The following PGS1 variants were observed in gnomAD, a reference collection of about 807,000 sequenced individuals.
PGS1 encodes the protein phosphatidylglycerophosphate synthase 1.
A neutral mutation model predicts 58.3 loss-of-function variants in PGS1; 44 were observed. The ratio of observed to expected loss-of-function variants is 0.75; its 90% confidence interval spans 0.59 to 0.97. The LOEUF is 0.97. Ranked by LOEUF, PGS1 falls within the 50% of genes least tolerant of loss-of-function variation. The pLI is 0.00. For missense variants in PGS1, 684 were observed against 731.1 expected, an observed-to-expected ratio of 0.94 and a Z score of 0.74; for synonymous variants, 330 against 311.0, an observed-to-expected ratio of 1.06 and a Z score of -0.64.
At chr17:78,394,370 C>G (rs1302707025) in intron 2 of PGS1, among the ~76,000 whole-genome samples, 1 of 151,842 alleles carries the variant, frequency 6.6e-6, no homozygotes, top group Non-Finnish European at 1.5e-5. Flanking sequence ...CCACGCTTAG[C>G]TTGACTGGCT....
At chr17:78,407,559 C>T (rs537389317) in intron 7 of PGS1, among the ~76,000 whole-genome samples, 5 of 152,308 alleles carry the variant, frequency 3.3e-5, no homozygotes, top group African/African-American at 1.2e-4. Context: ...TGTTTGGGCC[C>T]CAGAAAATTC....
Position 78,424,223 on chromosome 17 carries a change from G to A in PGS1, c.*173G>A. The A allele has an allele frequency of 3.3e-6, 5 of 1,536,114 alleles. No individual in the cohort carries two copies. The East Asian group carries it at 1.1e-4, about 35-fold the overall frequency. On this transcript the variant is annotated 3_prime_UTR_variant, in exon 10 of 10. Transcript: ENST00000262764. ...TGAGGGAGGGGCTGGCAGGAAGGGT[G>A]GGGTCCTCACACTCCCCGCCCTCTG...
chr17:78,390,874 A>C (rs921337482), intron 1 of PGS1, among the ~76,000 whole-genome samples: 1 of 152,170 alleles, frequency 6.6e-6, no homozygotes, highest in African/African-American at 2.4e-5. Flanking sequence ...AACACTGGCC[A>C]GAAATGGTGT....
At chr17:78,407,203 G>C (rs951487060) in intron 7 of PGS1, among the ~76,000 whole-genome samples, 3 of 152,166 alleles carry the variant, frequency 2.0e-5, no homozygotes, top group Non-Finnish European at 4.4e-5. Context: ...GCAGAGGTGG[G>C]TGAGGGATGG....
chr17:78,417,371 T>A (rs552512670), intron 8 of PGS1, among the ~76,000 whole-genome samples: 3 of 152,186 alleles, frequency 2.0e-5, no homozygotes, highest in African/African-American at 7.2e-5. Flanking sequence ...TCAGCAGCAA[T>A]TAGGAGGCCC....
At chr17:78,419,017 GTTTT>G (rs1262752948) in intron 8 of PGS1, among the ~76,000 whole-genome samples, 1 of 148,678 alleles carries the variant, frequency 6.7e-6, no homozygotes, top group African/African-American at 2.5e-5. Flanking sequence ...AGCCTTTTGG[GTTTT>G]TTTTTTGAGA....
intron 7 of PGS1, among the ~76,000 whole-genome samples, chr17:78,413,080 G>A (rs1182585350): frequency 6.6e-6 from 1 of 152,234 alleles, no homozygotes; most frequent in African/African-American, 2.4e-5. Flanking sequence ...GTGGTCCTGT[G>A]AACGGCCTGC....
intron 1 of PGS1, among the ~76,000 whole-genome samples, chr17:78,385,381 C>T (rs1258369863): frequency 2.0e-5 from 3 of 150,516 alleles, no homozygotes; most frequent in Non-Finnish European, 3.0e-5. Context: ...CTCTGCCTGC[C>T]GAGTTCATGC....
chr17:78,388,357 C>T (rs62075744), intron 1 of PGS1, among the ~76,000 whole-genome samples: 27,884 of 152,136 alleles, frequency 0.18, 3,446 homozygotes, highest in African/African-American at 0.35. Flanking sequence ...CTCTGGACTA[C>T]TGAGGCCCTC....
Position 78,419,678 on chromosome 17 carries a change from G to A in PGS1, c.*10+3G>A. ...GAACTTCTTCTGAGGACAGACAGGT[G>A]CTGTCTCTAGCATCACCTCTCAGCA... is the stretch of plus-strand genomic sequence containing the variant. On this transcript the variant is annotated splice_donor_region_variant and intron_variant, in intron 9 of 9. Coordinates refer to ENST00000262764, the MANE Select transcript of PGS1 (RefSeq NM_024419.5). 2.5e-6 allele frequency: 4 copies of A among 1,613,352 alleles called. No individual in the cohort carries two copies. The highest frequency in any genetic ancestry group is 3.4e-6 in the Non-Finnish European group (4 of 1,179,686).
intron 1 of PGS1, among the ~76,000 whole-genome samples, chr17:78,389,672 G>A (rs1332270874): frequency 1.3e-5 from 2 of 151,774 alleles, no homozygotes; most frequent in East Asian, 1.9e-4. Flanking sequence ...GGCATGCAGT[G>A]GTGCAATCTT....
intron 7 of PGS1, among the ~76,000 whole-genome samples, chr17:78,413,753 T>C (rs573409597): frequency 3.9e-5 from 6 of 152,250 alleles, no homozygotes; most frequent in Admixed American, 1.3e-4. Flanking sequence ...TAACAGTCTT[T>C]TTAGAAGTAG....
chr17:78,406,782 G>T (rs547784640), intron 7 of PGS1, among the ~76,000 whole-genome samples: 1 of 152,352 alleles, frequency 6.6e-6, no homozygotes, highest in East Asian at 1.9e-4. Context: ...CCACACTGTC[G>T]TGTGCTGGAG....
chr17:78,417,245 G>A (rs889493147), intron 8 of PGS1, among the ~76,000 whole-genome samples: 2 of 152,158 alleles, frequency 1.3e-5, no homozygotes, highest in Non-Finnish European at 2.9e-5. Flanking sequence ...AATCTTGGCC[G>A]GGTATTCATT....
At chr17:78,414,785 A>C in intron 7 of PGS1, 94 bp from the exon 8 acceptor site, 4 of 1,422,234 alleles carry the variant, frequency 2.8e-6, no homozygotes, top group Non-Finnish European at 2.9e-6. Context: ...CACCCAGGGC[A>C]GGCCGCCTTT....
rs749772606 is a variant in PGS1 at position 78,398,366 on chromosome 17, A to C, written c.511+15A>C. ...GGGCTCACGAGGTAGGTGGCATGCA[A>C]GCCTGGCCCCTCCTGCTTCCTGTGT... On this transcript the variant is annotated intron_variant, in intron 4 of 9. Coordinates refer to ENST00000262764, the MANE Select transcript of PGS1 (RefSeq NM_024419.5). 6.4e-7 allele frequency: 1 copy of C among 1,565,478 alleles called. No individual in the cohort carries two copies. Among genetic ancestry groups the C allele is most frequent in the Admixed American group, 1.7e-5 (1 of 59,934 alleles).
Position 78,400,911 on chromosome 17 carries a change from C to T in PGS1, c.880+56C>T, listed in dbSNP as rs1020142844. 2.2e-5 allele frequency: 31 copies of T among 1,432,968 alleles called. No individual in the cohort carries two copies. In the African/African-American group the frequency reaches 3.0e-4, roughly 14 times the overall value. 88.8% of individuals were successfully genotyped at this position (1,432,968 alleles called of 1,614,324 possible). On this transcript the variant is annotated intron_variant, in intron 6 of 9. Transcript: ENST00000262764. The surrounding 1 kb of genome is among the most constrained non-coding windows in gnomAD (Gnocchi z 4.4). The stretch of plus-strand genomic sequence containing the variant: ...CTGTGGGTGGGGTGGAGTGAGGGCC[C>T]GGGAGAGCACAACTCTAGGTGGTTC...
At chr17:78,422,005 G>A (rs906863332) in intron 9 of PGS1, 3 of 152,202 alleles carry the variant, frequency 2.0e-5, no homozygotes, top group Non-Finnish European at 2.9e-5. Context: ...GCTTAAGTGC[G>A]AATCATTTCT....
At chr17:78,402,412 AT>A (rs2083752931) in intron 6 of PGS1, among the ~76,000 whole-genome samples, 1 of 14,548 alleles carries the variant, frequency 6.9e-5, no homozygotes. Flanking sequence ...ATATATATAT[AT>A]ATATATATAT....
Sources: allele counts gnomAD v4.1 joint callset (sites outside exome capture counted in the v4.1 genomes callset), GRCh38; gene constraint gnomAD v4.1.1; non-coding constraint Gnocchi (gnomAD v3.1); transcripts MANE v1.5; gene names NCBI Gene and HGNC (gene_info 2026-07-23, HGNC 2026-07-21).